Variants in TBX20 observed in about 807,000 individuals in gnomAD.
The protein encoded by TBX20 is T-box transcription factor TBX20.
A neutral mutation model predicts 42.9 loss-of-function variants in TBX20; 8 were observed. The observed-to-expected ratio is 0.19, with a 90% confidence interval of 0.11 to 0.34. TBX20 has a LOEUF of 0.34. TBX20 is among the 10% of genes least tolerant of loss of function. The pLI, the probability that TBX20 is intolerant of heterozygous loss-of-function variation, is 1.00. For missense variants in TBX20, 411 were observed against 566.0 expected (o/e 0.73, Z 2.78); for synonymous variants, 198 against 222.8 (o/e 0.89, Z 0.99).
rs538788069 is a variant in TBX20, at chr7:35,244,098, T to C, written c.654+851A>G. Among the ~76,000 whole-genome samples the C allele has an allele frequency of 7.9e-5, 12 of 152,372 alleles. No homozygotes were observed. In the South Asian group the frequency reaches 2.5e-3, roughly 32 times the overall value. ...ACCCCATAAATATGTACAATTATTA[T>C]GTATCAATTAAAAATTATTAAAAGA... On this transcript the variant is annotated intron_variant, in intron 4 of 7. Coordinates refer to ENST00000408931, the MANE Select transcript of TBX20 (RefSeq NM_001077653.2).
chr7:35,233,235 C>G (rs1789901824), intron 5 of TBX20, among the ~76,000 whole-genome samples: 1 of 152,134 alleles, frequency 6.6e-6, no homozygotes, highest in Non-Finnish European at 1.5e-5. Context: ...AAAATGAAAC[C>G]TCACATACTA....
chr7:35,238,945 C>T (rs892499590), intron 5 of TBX20, among the ~76,000 whole-genome samples: 3 of 151,924 alleles, frequency 2.0e-5, no homozygotes, highest in Non-Finnish European at 4.4e-5. Flanking sequence ...GAGACAGCCC[C>T]ATCATAACCA....
chr7:35,248,665 G>C lies in TBX20; in HGVS notation c.545+12C>G, dbSNP rs1363437011. The C allele has an allele frequency of 6.2e-7, 1 of 1,613,912 alleles. No homozygotes were observed. The highest frequency in any genetic ancestry group is 1.7e-5 in the Admixed American group (1 of 60,028). ...TAACAGTTTTCTCAGTGAAAAATCT[G>C]GAGGCACGAACCTGGCTGGCAACGG... On this transcript the variant is annotated intron_variant, in intron 3 of 7. Coordinates refer to ENST00000408931, the MANE Select transcript of TBX20 (RefSeq NM_001077653.2).
chr7:35,252,105 C>A lies in TBX20; in HGVS notation c.127+1389G>T, dbSNP rs143327713. On this transcript the variant is annotated intron_variant, in intron 1 of 7. Coordinates refer to ENST00000408931, the MANE Select transcript of TBX20 (RefSeq NM_001077653.2). ...TGTTGAAATGACAGTGCAGCTGGGG[C>A]TGGCATGTTTCCCAATTTGCTGTCT... 3.2e-3 allele frequency among the ~76,000 whole-genome samples: 485 copies of A among 152,250 alleles called. 3 individuals are homozygous for A. Among genetic ancestry groups the A allele is most frequent in the African/African-American group, 0.011 (469 of 41,538 alleles).
chr7:35,227,534 A>G (rs1441241269), intron 6 of TBX20, among the ~76,000 whole-genome samples: 1 of 152,192 alleles, frequency 6.6e-6, no homozygotes, highest in South Asian at 2.1e-4. Context: ...AGTATTCAGT[A>G]CAGTAACATG....
chr7:35,213,756 T>C (rs1021310648), intron 6 of TBX20, among the ~76,000 whole-genome samples: 19 of 151,948 alleles, frequency 1.3e-4, no homozygotes, highest in Non-Finnish European at 2.9e-5. Flanking sequence ...TCTGACTTTG[T>C]TACTTTCTTA....
chr7:35,253,346 T>G (rs1482883511), intron 1 of TBX20, 148 bp downstream of exon 1: 15 of 916,264 alleles, frequency 1.6e-5, no homozygotes, highest in Non-Finnish European at 2.5e-5. Context: ...CAAAGAAAAC[T>G]TGGACCCAAA....
At chr7:35,244,400 C>T (rs1584357012) in intron 4 of TBX20, among the ~76,000 whole-genome samples, 3 of 145,922 alleles carry the variant, frequency 2.1e-5, no homozygotes, top group Non-Finnish European at 1.5e-5. Flanking sequence ...CTTCTTTATG[C>T]TTTAATATTC....
chr7:35,248,347 G>A (rs1790233711), intron 3 of TBX20, among the ~76,000 whole-genome samples: 1 of 152,200 alleles, frequency 6.6e-6, no homozygotes, highest in Non-Finnish European at 1.5e-5. Context: ...GTTTTAAGCA[G>A]CAATTAGAGA....
At chr7:35,217,671 G>C (rs558934917) in intron 6 of TBX20, among the ~76,000 whole-genome samples, 73 of 152,126 alleles carry the variant, frequency 4.8e-4, no homozygotes, top group African/African-American at 1.8e-3. Context: ...CTTTCTTACT[G>C]TTGTTGTCAA....
At chr7:35,252,640 T>C (rs1381620043) in intron 1 of TBX20, among the ~76,000 whole-genome samples, 8 of 152,254 alleles carry the variant, frequency 5.3e-5, no homozygotes, top group Non-Finnish European at 1.0e-4. Context: ...GATTTTCACA[T>C]TGTAGTGATA....
chr7:35,225,078 G>C (rs1789746905), intron 6 of TBX20, among the ~76,000 whole-genome samples: 1 of 152,074 alleles, frequency 6.6e-6, no homozygotes, highest in South Asian at 2.1e-4. Flanking sequence ...AATTTAACTA[G>C]AAAACACAAG....
At chr7:35,226,327 A>G (rs1308141369) in intron 6 of TBX20, among the ~76,000 whole-genome samples, 2 of 151,470 alleles carry the variant, frequency 1.3e-5, no homozygotes, top group Non-Finnish European at 2.9e-5. Flanking sequence ...ATTCCAACAT[A>G]TATGAACAAT....
chr7:35,218,867 T>C (rs576921073), intron 6 of TBX20, among the ~76,000 whole-genome samples: 2 of 152,334 alleles, frequency 1.3e-5, no homozygotes, highest in South Asian at 2.1e-4. Context: ...TGAATGAGAC[T>C]AGTGCCCTTA....
At chr7:35,243,886 G>A (rs1304931672) in intron 4 of TBX20, among the ~76,000 whole-genome samples, 1 of 152,144 alleles carries the variant, frequency 6.6e-6, no homozygotes, top group Admixed American at 6.5e-5. Context: ...GTGGGCAGAG[G>A]GATAGTGCTA....
chr7:35,216,687 G>T (rs1426887465), intron 6 of TBX20, among the ~76,000 whole-genome samples: 2 of 152,112 alleles, frequency 1.3e-5, no homozygotes, highest in African/African-American at 2.4e-5. Context: ...GCCATGCTTT[G>T]TTTAAACCTT....
intron 6 of TBX20, among the ~76,000 whole-genome samples, chr7:35,208,615 G>A (rs2128710237): frequency 1.3e-5 from 2 of 151,990 alleles, no homozygotes; most frequent in South Asian, 4.2e-4. Flanking sequence ...GATGGCCCAT[G>A]CCTGTAATCC....
chr7:35,240,827 C>G (rs1311150867), intron 5 of TBX20, 52 bp downstream of exon 5: 6 of 1,527,782 alleles, frequency 3.9e-6, no homozygotes, highest in Non-Finnish European at 4.5e-6. Flanking sequence ...AATATAAGAA[C>G]CTCCTAAATC....
At chr7:35,245,349 T>TGTGG (rs1554287409) in intron 3 of TBX20, among the ~76,000 whole-genome samples, 2 of 151,400 alleles carry the variant, frequency 1.3e-5, no homozygotes, top group African/African-American at 4.9e-5. Context: ...TGTGTGTGTG[T>TGTGG]TTTCATCTAT....
Sources: gnomAD v4.1 joint callset for allele counts (sites outside exome capture counted in the v4.1 genomes callset) on GRCh38, gnomAD v4.1.1 for gene constraint, MANE v1.5 for transcripts, NCBI Gene and HGNC (gene_info 2026-07-23, HGNC 2026-07-21) for gene names.